Variants in RBFOX2 observed in about 807,000 individuals in gnomAD.
The protein encoded by RBFOX2 is RNA binding fox-1 homolog 2, also known as RNA binding protein fox-1 homolog 2.
A neutral mutation model predicts 49.1 loss-of-function variants in RBFOX2; 10 were observed. The observed-to-expected ratio is 0.20, with a 90% CI of 0.13 to 0.35. The LOEUF (loss-of-function observed/expected upper bound fraction) is 0.35. Ranked by LOEUF, RBFOX2 falls within the 10% of genes least tolerant of loss-of-function variation. The probability of loss-of-function intolerance (pLI) is 1.00; values close to 1 mark genes in which losing one functional copy is unlikely to be tolerated. For missense variants in RBFOX2, 323 were observed against 486.9 expected (o/e 0.66, Z 3.17); for synonymous variants, 183 against 187.4 (o/e 0.98, Z 0.19).
intron 1 of RBFOX2, among the ~76,000 whole-genome samples, chr22:35,850,171 C>A (rs919895247): frequency 6.7e-6 from 1 of 148,292 alleles, no homozygotes; most frequent in Non-Finnish European, 1.5e-5. Context: ...TGCACGCATG[C>A]GCATTCTCTG....
intron 1 of RBFOX2, among the ~76,000 whole-genome samples, chr22:36,023,370 C>T (rs572666690): frequency 3.0e-4 from 45 of 152,246 alleles, no homozygotes; most frequent in Admixed American, 7.2e-4. Flanking sequence ...TGGTGAGAAG[C>T]GGTTACTTGG....
At chr22:35,980,526 C>A (rs1408653833) in intron 1 of RBFOX2, among the ~76,000 whole-genome samples, 2 of 150,774 alleles carry the variant, frequency 1.3e-5, no homozygotes, top group African/African-American at 4.9e-5. Flanking sequence ...TACCAAAGCA[C>A]AAAGCATCAG....
chr22:35,807,833 A>T (rs1951051431), intron 2 of RBFOX2, among the ~76,000 whole-genome samples: 1 of 152,108 alleles, frequency 6.6e-6, no homozygotes. Context: ...AATAAACCTT[A>T]GCTAGACTGA....
rs1569513135 is a variant in RBFOX2 at position 35,961,409 on chromosome 22, AT to A, written c.42+153del. ...TCTGCAAATTCAGAATGGTTTCCAG[AT>A]TTTTTTTTAAATCAGGCATTAATGC... On this transcript the variant is annotated intron_variant, in intron 1 of 5. Transcript: ENST00000408983. Among the ~76,000 whole-genome samples, 30 of 151,824 alleles carry A rather than the reference AT, an allele frequency of 2.0e-4. 2 individuals are homozygous for A. The South Asian group carries it at 6.3e-3, about 32-fold the overall frequency.
chr22:35,832,207 A>G (rs1354114324), intron 1 of RBFOX2, among the ~76,000 whole-genome samples: 1 of 152,074 alleles, frequency 6.6e-6, no homozygotes, highest in Non-Finnish European at 1.5e-5. Context: ...CCCTGTCTCT[A>G]CCAAAAAGTA....
chr22:35,993,188 C>G (rs770196072), intron 1 of RBFOX2: 1 of 152,020 alleles, frequency 6.6e-6, no homozygotes, highest in Non-Finnish European at 1.5e-5. Flanking sequence ...TCAAAAGGAC[C>G]ATTTTGATTA....
At chr22:35,962,970 A>T (rs1049181198), upstream of RBFOX2, among the ~76,000 whole-genome samples, 2 of 151,746 alleles carry the variant, frequency 1.3e-5, no homozygotes, top group Non-Finnish European at 2.9e-5. Flanking sequence ...GAAAGGGAGA[A>T]AAGGAATGAA....
At chr22:35,786,907 G>A (rs779235074) in intron 2 of RBFOX2, among the ~76,000 whole-genome samples, 1 of 152,082 alleles carries the variant, frequency 6.6e-6, no homozygotes, top group Non-Finnish European at 1.5e-5. Context: ...CATTAGAAAC[G>A]AGAACCCATA....
chr22:35,879,756 T>A (rs959446403), intron 1 of RBFOX2, among the ~76,000 whole-genome samples: 1 of 152,222 alleles, frequency 6.6e-6, no homozygotes, highest in African/African-American at 2.4e-5. Context: ...ATGTTGTGAT[T>A]AGAATAAATT....
chr22:36,017,816 G>A (rs375646459), intron 1 of RBFOX2, among the ~76,000 whole-genome samples: 5 of 152,048 alleles, frequency 3.3e-5, no homozygotes, highest in East Asian at 3.9e-4. Context: ...ATATACACAC[G>A]TGCACTCAAT....
chr22:35,811,980 G>A (rs1297778614), intron 1 of RBFOX2, among the ~76,000 whole-genome samples: 2 of 149,058 alleles, frequency 1.3e-5, no homozygotes, highest in East Asian at 2.0e-4. Context: ...AAAAAAAAAG[G>A]CTGGGTGTGG....
upstream of RBFOX2, among the ~76,000 whole-genome samples, chr22:35,843,989 A>G (rs2040847258): frequency 6.6e-6 from 1 of 152,198 alleles, no homozygotes; most frequent in Non-Finnish European, 1.5e-5. Context: ...GACGGCTCCC[A>G]CATTTCTATT....
At chr22:35,870,341 T>C (rs2044214637) in intron 1 of RBFOX2, among the ~76,000 whole-genome samples, 1 of 152,072 alleles carries the variant, frequency 6.6e-6, no homozygotes, top group Admixed American at 6.6e-5. Flanking sequence ...ATCCCATCTC[T>C]ACTAAAAATA....
intron 1 of RBFOX2, among the ~76,000 whole-genome samples, chr22:36,022,175 C>A (rs113952839): frequency 0.021 from 3,179 of 152,236 alleles, 112 homozygotes; most frequent in African/African-American, 0.074. Flanking sequence ...ATTATTAAAG[C>A]CTGACATCAA....
intron 1 of RBFOX2, among the ~76,000 whole-genome samples, chr22:35,864,845 A>G (rs1463201784): frequency 6.6e-6 from 1 of 152,226 alleles, no homozygotes; most frequent in Non-Finnish European, 1.5e-5. Flanking sequence ...TTCATCCAAT[A>G]TTTTTTGACT....
At chr22:35,988,969 C>T (rs1454332252) in intron 1 of RBFOX2, among the ~76,000 whole-genome samples, 1 of 152,196 alleles carries the variant, frequency 6.6e-6, no homozygotes, top group African/African-American at 2.4e-5. Context: ...GCGGGCAGAT[C>T]ACCTGACGTT....
intron 1 of RBFOX2, among the ~76,000 whole-genome samples, chr22:35,868,655 C>A (rs984716948): frequency 3.9e-5 from 6 of 152,064 alleles, no homozygotes; most frequent in African/African-American, 1.4e-4. Flanking sequence ...TAAGTATGGG[C>A]ACTAGTTAAT....
At chr22:35,956,363 T>C (rs1372653668) in intron 1 of RBFOX2, among the ~76,000 whole-genome samples, 2 of 142,320 alleles carry the variant, frequency 1.4e-5, no homozygotes, top group African/African-American at 5.1e-5. Flanking sequence ...GCTTGCTTCA[T>C]TTTTTTTTTT....
Position 35,765,376 on chromosome 22 carries a change from A to G in RBFOX2, c.607+47T>C, listed in dbSNP as rs758523891. ...TCTTAGAAGTTTATAAAAACTTCAT[A>G]TATTTACACAAGAATAAACACTCTT... On this transcript the variant is annotated intron_variant, in intron 6 of 11. Transcript: ENST00000405409. The G allele has an allele frequency of 1.8e-5, 24 of 1,329,034 alleles. No homozygotes were observed. The East Asian group carries it at 4.0e-4, about 22-fold the overall frequency. 82.3% of individuals were successfully genotyped at this position (1,329,034 alleles called of 1,614,324 possible).
Sources: gnomAD v4.1 joint callset for allele counts (sites outside exome capture counted in the v4.1 genomes callset) on GRCh38, gnomAD v4.1.1 for gene constraint, MANE v1.5 for transcripts, NCBI Gene and HGNC (gene_info 2026-07-23, HGNC 2026-07-21) for gene names.